INPP5D: variants seen among roughly 807,000 people sequenced by gnomAD.
INPP5D encodes inositol polyphosphate-5-phosphatase D.
Under a neutral mutation model 122.9 loss-of-function variants are expected in INPP5D, and 33 were observed. The observed-to-expected ratio is 0.27, with a 90% confidence interval of 0.20 to 0.36. The LOEUF (loss-of-function observed/expected upper bound fraction) is 0.36. INPP5D is among the 10% of genes least tolerant of loss of function. The pLI, the probability that INPP5D is intolerant of heterozygous loss-of-function variation, is 1.00. For synonymous variants in INPP5D, 584 were observed against 576.2 expected (o/e 1.01, Z -0.19); for missense variants, 1,053 against 1,412.7 (o/e 0.75, Z 4.08).
chr2:233,182,140 C>T (rs1424379510), intron 18 of INPP5D, among the ~76,000 whole-genome samples: 1 of 152,142 alleles, frequency 6.6e-6, no homozygotes, highest in Non-Finnish European at 1.5e-5. Context: ...CCAGAAAAAT[C>T]TCCATGGTTC....
rs148516319 is a variant in INPP5D, at chr2:233,079,467, C to G, written c.198+69C>G. 5 of 1,034,350 alleles carry G rather than the reference C, an allele frequency of 4.8e-6. No homozygotes were observed. The African/African-American group carries it at 6.3e-5, about 13-fold the overall frequency. The allele number at this position is 1,034,350 out of a possible 1,614,324, so 64.1% of individuals were successfully genotyped here. Reference sequence around the variant, plus strand: ...GATACTGGCAGAGAAAGGGTGTAAACGATGAGGAAGGAAGTGCACGCGCAG... The same window carrying G: ...GATACTGGCAGAGAAAGGGTGTAAAGGATGAGGAAGGAAGTGCACGCGCAG... On this transcript the variant is annotated intron_variant, in intron 2 of 26. Coordinates refer to ENST00000445964, the MANE Select transcript of INPP5D (RefSeq NM_001017915.3).
At chr2:233,156,922 C>A (rs1036866571) in intron 9 of INPP5D, among the ~76,000 whole-genome samples, 1 of 152,236 alleles carries the variant, frequency 6.6e-6, no homozygotes, top group African/African-American at 2.4e-5. Context: ...GCCTTTCAAG[C>A]AAGCCCTTCT....
At chr2:233,193,500 T>C (rs778464766) in intron 22 of INPP5D, among the ~76,000 whole-genome samples, 5 of 152,210 alleles carry the variant, frequency 3.3e-5, no homozygotes, top group South Asian at 2.1e-4. Context: ...CCCGCCAATT[T>C]TGTTCTGTCA....
At chr2:233,157,811 G>T (rs151170552) in intron 9 of INPP5D, among the ~76,000 whole-genome samples, 7,304 of 152,092 alleles carry the variant, frequency 0.048, 588 homozygotes, top group African/African-American at 0.17. Flanking sequence ...GTTGAAATTG[G>T]TTGCCTGTAG....
At chr2:233,131,147 C>G (rs1424051928) in intron 5 of INPP5D, 1 of 979,038 alleles carries the variant, frequency 1.0e-6, no homozygotes, top group African/African-American at 1.8e-5. Flanking sequence ...GATGTCCGAT[C>G]CATTGAATGA....
chr2:233,060,390 A>C lies in INPP5D; in HGVS notation c.-89A>C. 1 of 1,419,348 alleles carries C rather than the reference A, an allele frequency of 7.0e-7. No homozygotes were observed. Among genetic ancestry groups the C allele is most frequent in the Non-Finnish European group, 9.4e-7 (1 of 1,060,000 alleles). The allele number at this position is 1,419,348 out of a possible 1,614,324, so 87.9% of individuals were successfully genotyped here. ...AGGCCACCAAGAGGCAACGGGCGGC[A>C]GGTTGCAGTGGAGGGGCCTCCGCTC... On this transcript the variant is annotated 5_prime_UTR_variant, in exon 1 of 27. Coordinates refer to ENST00000445964, the MANE Select transcript of INPP5D (RefSeq NM_001017915.3).
intron 2 of INPP5D, among the ~76,000 whole-genome samples, chr2:233,121,346 C>T (rs1692970077): frequency 6.6e-6 from 1 of 151,456 alleles, no homozygotes; most frequent in Non-Finnish European, 1.5e-5. Flanking sequence ...TCATGTTGGC[C>T]AGACTGGTCT....
rs759991291 is a variant in INPP5D, at chr2:233,161,842, C to T, written c.1240+16C>T. 2.5e-6 allele frequency: 4 copies of T among 1,607,310 alleles called. No individual in the cohort carries two copies. Among genetic ancestry groups the T allele is most frequent in the East Asian group, 4.5e-5 (2 of 44,556 alleles). On this transcript the variant is annotated intron_variant, in intron 11 of 26. Transcript: ENST00000445964. ...TGGAACATGGGTGGGTCCGCGCGCC[C>T]CCTCCCTGCAGTCACCCCCTCTGCT... is the stretch of plus-strand genomic sequence containing the variant.
intron 9 of INPP5D, among the ~76,000 whole-genome samples, chr2:233,152,587 A>G (rs1693948648): frequency 6.6e-6 from 1 of 152,218 alleles, no homozygotes; most frequent in South Asian, 2.1e-4. Flanking sequence ...ATAGAAAAAT[A>G]TGACAGTAAT....
chr2:233,166,229 C>A (rs1694335202), intron 13 of INPP5D, among the ~76,000 whole-genome samples: 1 of 152,180 alleles, frequency 6.6e-6, no homozygotes, highest in South Asian at 2.1e-4. Flanking sequence ...CAGCCCCTGC[C>A]CCGCTGTGCA....
At chr2:233,190,889 A>C (rs1695040252) in intron 22 of INPP5D, among the ~76,000 whole-genome samples, 1 of 152,254 alleles carries the variant, frequency 6.6e-6, no homozygotes, top group Non-Finnish European at 1.5e-5. Flanking sequence ...AGGAAGTAAC[A>C]GGATCAGATT....
At chr2:233,117,413 T>G (rs1399051063) in intron 2 of INPP5D, among the ~76,000 whole-genome samples, 2 of 152,200 alleles carry the variant, frequency 1.3e-5, no homozygotes, top group Non-Finnish European at 2.9e-5. Flanking sequence ...TGCCCCCTGC[T>G]TTCTCATTGG....
intron 2 of INPP5D, among the ~76,000 whole-genome samples, chr2:233,108,576 C>T (rs187764936): frequency 1.3e-5 from 2 of 152,268 alleles, no homozygotes; most frequent in South Asian, 2.1e-4. Flanking sequence ...TTCTCTCCCC[C>T]CAAGTGCAGG....
intron 26 of INPP5D, 33 bp downstream of exon 26, chr2:233,204,750 TTGTG>T (rs33926881): frequency 5.5e-6 from 8 of 1,443,484 alleles, no homozygotes; most frequent in South Asian, 1.4e-5. Context: ...TCGTGTGCAT[TTGTG>T]TGTGTGTGCA....
intron 2 of INPP5D, among the ~76,000 whole-genome samples, chr2:233,104,638 T>C (rs566798136): frequency 6.6e-6 from 1 of 152,202 alleles, no homozygotes; most frequent in Non-Finnish European, 1.5e-5. Flanking sequence ...AAGGTTTTCA[T>C]GTCTGATCAG....
At position 233,204,147 on chromosome 2, in the gene INPP5D, C is replaced by T. The variant is rs1382859478; in HGVS notation, c.2997C>T (p.Asn999=). Residue 999 remains asparagine (N), a synonymous_variant, in exon 26 of 27, where the codon AAC becomes AAT. Coordinates refer to ENST00000445964, the MANE Select transcript of INPP5D (RefSeq NM_001017915.3). ...CTAGGCCCAGTGACCTGGGGAAGAACGCAGGGGACACGCTGCCTCAGGAGG... is the reference window on the plus strand; with the variant it reads ...CTAGGCCCAGTGACCTGGGGAAGAATGCAGGGGACACGCTGCCTCAGGAGG... The part of the protein sequence containing the change: ...QESRPSDLGK[N]AGDTLPQEDL... The T allele has an allele frequency of 3.8e-6, 6 of 1,566,838 alleles. No homozygotes were observed. The highest frequency in any genetic ancestry group is 1.4e-5 in the African/African-American group (1 of 73,530).
chr2:233,118,091 C>G (rs1287329288), intron 2 of INPP5D, among the ~76,000 whole-genome samples: 1 of 152,204 alleles, frequency 6.6e-6, no homozygotes, highest in Non-Finnish European at 1.5e-5. Flanking sequence ...GGTGGGAACC[C>G]CCAGGCCTGT....
Position 233,160,620 on chromosome 2 carries a change from C to A in INPP5D, c.1138-1104C>A, listed in dbSNP as rs28534487. Among the ~76,000 whole-genome samples the A allele has an allele frequency of 0.35, 53,108 of 151,826 alleles. 11,507 individuals carry two copies. The highest frequency in any genetic ancestry group is 0.49 in the Non-Finnish European group (33,118 of 67,866). The stretch of plus-strand genomic sequence containing the variant: ...TTTCTCTTTCTTTCTTCCTTCCCTT[C>A]TTTCTTTCTTTTTCTGTTTCTTTTC... On this transcript the variant is annotated intron_variant, in intron 10 of 26. Coordinates refer to ENST00000445964, the MANE Select transcript of INPP5D (RefSeq NM_001017915.3). The surrounding 1 kb of genome is among the most constrained non-coding windows in gnomAD (Gnocchi z 4.2).
chr2:233,143,813 ATGG>A (rs1693677574), intron 6 of INPP5D, among the ~76,000 whole-genome samples: 1 of 151,436 alleles, frequency 6.6e-6, no homozygotes, highest in African/African-American at 2.4e-5. Flanking sequence ...AGGAGTGGAG[ATGG>A]TGGTGGTGAT....
Sources: allele counts gnomAD v4.1 joint callset (sites outside exome capture counted in the v4.1 genomes callset), GRCh38; gene constraint gnomAD v4.1.1; non-coding constraint Gnocchi (gnomAD v3.1); transcripts MANE v1.5; gene names NCBI Gene and HGNC (gene_info 2026-07-23, HGNC 2026-07-21).